Variants in AUTS2 observed in about 807,000 individuals in gnomAD.
The protein encoded by AUTS2 is activator of transcription and developmental regulator AUTS2, also known as autism susceptibility gene 2 protein.
A neutral mutation model predicts 112.4 loss-of-function variants in AUTS2; 17 were observed. That is an observed-to-expected ratio of 0.15 (90% CI 0.10 to 0.23). The LOEUF (loss-of-function observed/expected upper bound fraction) is 0.23, where lower values mean the gene tolerates loss of function less well. Ranked by LOEUF, AUTS2 falls within the 10% of genes least tolerant of loss-of-function variation. The pLI, the probability that AUTS2 is intolerant of heterozygous loss-of-function variation, is 1.00. For missense variants in AUTS2, 1,510 were observed against 1,701.6 expected, an observed-to-expected ratio of 0.89 and a Z score of 1.98; for synonymous variants, 751 against 702.7, an observed-to-expected ratio of 1.07 and a Z score of -1.09.
rs536579453 is a variant in AUTS2 at position 70,055,713 on chromosome 7, G to T, written c.523-62419G>T. 3.3e-5 allele frequency among the ~76,000 whole-genome samples: 5 copies of T among 152,158 alleles called. No individual in the cohort carries two copies. In the East Asian group the frequency reaches 5.8e-4, roughly 18 times the overall value. ...ACTGGAGATTTTTAAGGTGGGTATG[G>T]GTATTAAGGTGGGTATTGTTAGTCT... is the stretch of plus-strand genomic sequence containing the variant. On this transcript the variant is annotated intron_variant, in intron 2 of 18. Coordinates refer to ENST00000342771, the MANE Select transcript of AUTS2 (RefSeq NM_015570.4).
chr7:70,348,273 G>A (rs1171392120), intron 4 of AUTS2, among the ~76,000 whole-genome samples: 1 of 152,086 alleles, frequency 6.6e-6, no homozygotes, highest in Non-Finnish European at 1.5e-5. Context: ...GCTAGCCATT[G>A]GCAAAACACG....
intron 5 of AUTS2, 83 bp from the exon 6 acceptor site, chr7:70,698,486 T>G (rs1563136309): frequency 2.5e-6 from 3 of 1,218,022 alleles, no homozygotes; most frequent in East Asian, 4.8e-5. Context: ...TGTAGTCAAC[T>G]GATTTAAAAT....
chr7:70,524,436 A>G lies in AUTS2; in HGVS notation c.690+88655A>G, dbSNP rs113718011. ...CTTAGAATCCAGGGGCCTCATCCAC[A>G]TTGATAAATATTTATCTTGTTCTAA... On this transcript the variant is annotated intron_variant, in intron 5 of 18. Transcript: ENST00000342771. Among the ~76,000 whole-genome samples, 7 of 152,346 alleles carry G rather than the reference A, an allele frequency of 4.6e-5. No individual in the cohort carries two copies. The East Asian group carries it at 1.4e-3, about 29-fold the overall frequency.
intron 1 of AUTS2, among the ~76,000 whole-genome samples, chr7:69,661,422 A>G (rs772459028): frequency 2.6e-5 from 4 of 152,208 alleles, no homozygotes; most frequent in Non-Finnish European, 4.4e-5. Flanking sequence ...GGGCAAAATT[A>G]CTGTAGTTTC....
intron 4 of AUTS2, among the ~76,000 whole-genome samples, chr7:70,384,029 AAAAGAAAG>A (rs554760920): frequency 6.6e-6 from 1 of 152,136 alleles, no homozygotes; most frequent in African/African-American, 2.4e-5. Context: ...TCCATTAGGG[AAAAGAAAG>A]AAAGAAAGAA....
intron 1 of AUTS2, among the ~76,000 whole-genome samples, chr7:69,858,144 C>T (rs1792817620): frequency 6.6e-6 from 1 of 152,202 alleles, no homozygotes; most frequent in Non-Finnish European, 1.5e-5. Flanking sequence ...GTGGCTAGAT[C>T]AGTGACAATT....
chr7:69,621,433 T>C (rs1165743216), intron 1 of AUTS2, among the ~76,000 whole-genome samples: 1 of 135,558 alleles, frequency 7.4e-6, no homozygotes, highest in East Asian at 2.6e-4. Context: ...GAATCTATAA[T>C]ATATCTTAAG....
At chr7:70,230,629 T>C (rs1333200754) in intron 4 of AUTS2, among the ~76,000 whole-genome samples, 1 of 152,232 alleles carries the variant, frequency 6.6e-6, no homozygotes, top group East Asian at 1.9e-4. Flanking sequence ...TTACTAAGGC[T>C]TTCTGCAGGC....
chr7:70,668,844 C>T (rs1037578966), intron 5 of AUTS2, among the ~76,000 whole-genome samples: 1 of 152,192 alleles, frequency 6.6e-6, no homozygotes, highest in Non-Finnish European at 1.5e-5. Context: ...TGTGGAATGC[C>T]TCAGCGCTAG....
chr7:69,934,633 A>G (rs1796341693), intron 2 of AUTS2, among the ~76,000 whole-genome samples: 1 of 152,164 alleles, frequency 6.6e-6, no homozygotes, highest in African/African-American at 2.4e-5. Flanking sequence ...TAGACTTGCA[A>G]AAATAGCAAA....
intron 2 of AUTS2, among the ~76,000 whole-genome samples, chr7:69,961,451 T>C (rs765339319): frequency 2.0e-5 from 3 of 152,188 alleles, no homozygotes; most frequent in African/African-American, 2.4e-5. Context: ...GTACCTATTC[T>C]TAGGAACCTT....
At chr7:69,612,404 T>G (rs2129080508) in intron 1 of AUTS2, among the ~76,000 whole-genome samples, 1 of 152,208 alleles carries the variant, frequency 6.6e-6, no homozygotes, top group East Asian at 1.9e-4. Flanking sequence ...TTTTTGGGAG[T>G]TAAGACTAGA....
intron 2 of AUTS2, among the ~76,000 whole-genome samples, chr7:70,000,168 C>T (rs1799121924): frequency 6.6e-6 from 1 of 152,146 alleles, no homozygotes; most frequent in Non-Finnish European, 1.5e-5. Flanking sequence ...AGCTTTATAA[C>T]AGAGCTGTCT....
chr7:70,044,114 A>T lies in AUTS2; in HGVS notation c.523-74018A>T, dbSNP rs1020102097. Among the ~76,000 whole-genome samples, 3 of 152,114 alleles carry T rather than the reference A, an allele frequency of 2.0e-5. No homozygotes were observed. The East Asian group carries it at 5.8e-4, about 29-fold the overall frequency. On this transcript the variant is annotated intron_variant, in intron 2 of 18. Transcript: ENST00000342771. ...TTCCTCTCATGCCCATCCACAGGCC[A>T]TTGACTGGAAGGCACAACAGCTCCC...
rs1464794016 is a variant in AUTS2, at chr7:69,614,352, C to CTTTTCTTTCT, written c.309+14393_309+14394insTCTTTCTTTT. 9.7e-3 allele frequency among the ~76,000 whole-genome samples: 792 copies of CTTTTCTTTCT among 81,750 alleles called. 17 individuals are homozygous for CTTTTCTTTCT. The highest frequency in any genetic ancestry group is 0.016 in the Non-Finnish European group (575 of 36,618). The allele number at this position is 81,750 out of a possible 152,430, so 53.6% of individuals were successfully genotyped here. The stretch of plus-strand genomic sequence containing the variant: ...TCTTTCTTTCTTTCTTTCTTTCTTT[C>CTTTTCTTTCT]TTTCTTTCTTTCTTTTTTTAAGAGA... On this transcript the variant is annotated intron_variant, in intron 1 of 18. Transcript: ENST00000342771.
chr7:70,776,270 C>T (rs530440550), intron 13 of AUTS2, among the ~76,000 whole-genome samples: 54 of 152,282 alleles, frequency 3.5e-4, no homozygotes, highest in Admixed American at 1.2e-3. Context: ...TGAGCGCGCA[C>T]GCCGAGCTTA....
chr7:70,706,620 T>A (rs570824162), intron 6 of AUTS2, among the ~76,000 whole-genome samples: 28 of 152,350 alleles, frequency 1.8e-4, no homozygotes, highest in Non-Finnish European at 3.8e-4. Context: ...GCTTTTCTGT[T>A]AGAGACCTGG....
chr7:70,516,568 C>T (rs545769318), intron 5 of AUTS2, among the ~76,000 whole-genome samples: 44 of 152,256 alleles, frequency 2.9e-4, no homozygotes, highest in African/African-American at 1.0e-3. Flanking sequence ...TTGGGTTCTT[C>T]GTCTCATTGT....
chr7:69,979,657 A>G (rs12672441), intron 2 of AUTS2, among the ~76,000 whole-genome samples: 14,958 of 152,202 alleles, frequency 0.098, 1,670 homozygotes, highest in East Asian at 0.54. Context: ...ACAGGCAGCA[A>G]TTGAGCCACT....
Sources: allele counts gnomAD v4.1 joint callset (sites outside exome capture counted in the v4.1 genomes callset), GRCh38; gene constraint gnomAD v4.1.1; transcripts MANE v1.5; gene names NCBI Gene and HGNC (gene_info 2026-07-23, HGNC 2026-07-21).